Variants in ADCY4 observed in about 807,000 individuals in gnomAD.
The protein encoded by ADCY4 is adenylate cyclase 4, also known as adenylate cyclase type 4.
A neutral mutation model predicts 125.5 loss-of-function variants in ADCY4; 111 were observed. The ratio of observed to expected loss-of-function variants is 0.88; its 90% CI spans 0.76 to 1.04. ADCY4 has a LOEUF of 1.04. Among genes scored for constraint, ADCY4 ranks in the 50% least tolerant of loss-of-function variants. The probability of loss-of-function intolerance (pLI) is 0.00; values close to 1 mark genes in which losing one functional copy is unlikely to be tolerated. For synonymous variants in ADCY4, 576 were observed against 586.9 expected, an observed-to-expected ratio of 0.98 and a Z score of 0.27; for missense variants, 1,256 against 1,382.9, an observed-to-expected ratio of 0.91 and a Z score of 1.46.
chr14:24,332,969 C>T lies in ADCY4; in HGVS notation c.179G>A (p.Ser60Asn). 9 of 1,552,816 alleles carry T rather than the reference C, an allele frequency of 5.8e-6. No homozygotes were observed. The highest frequency in any genetic ancestry group is 5.2e-6 in the Non-Finnish European group (6 of 1,146,344). ...CGCGCACAGCACAGTGGTCAGGAAG[C>T]TCGGGTCTGAGGTCAGCTCCTGTGG... Reference protein sequence around the residue: ...ASGRELTSDPSFLTTVLCALG... With the variant: ...ASGRELTSDPNFLTTVLCALG... Residue 60 changes from serine (S) to asparagine (N), a missense_variant, in exon 2 of 25, where the codon AGC becomes AAC. Transcript: ENST00000418030.
chr14:24,319,622 G>A lies in ADCY4; in HGVS notation c.2733+120C>T, dbSNP rs552946441. The A allele has an allele frequency of 1.5e-4, 207 of 1,352,014 alleles. 1 individual carries two copies. The African/African-American group carries it at 2.5e-3, about 16-fold the overall frequency. 83.8% of individuals were successfully genotyped at this position (1,352,014 alleles called of 1,614,324 possible). On this transcript the variant is annotated intron_variant, in intron 21 of 24. Transcript: ENST00000418030. This position sits in a 1 kb window ranked among gnomAD's most constrained non-coding sequence, Gnocchi z 4.5. ...GTAGATCTGGGGGATCAGAGGAGGT[G>A]AGGGAGTACTGTGGAGGGGAGGATT... is the stretch of plus-strand genomic sequence containing the variant.
chr14:24,331,879 G>A lies in ADCY4; in HGVS notation c.578C>T (p.Ala193Val). The A allele has an allele frequency of 1.9e-6, 3 of 1,600,570 alleles. No individual in the cohort carries two copies. The highest frequency in any genetic ancestry group is 1.7e-6 in the Non-Finnish European group (2 of 1,170,000). Reference sequence around the variant, plus strand: ...GGCCCGCAGGGCGCGCTCCATCAGCGCCTTGTGGTACACTCCTGCCACGTT... The same window carrying A: ...GGCCCGCAGGGCGCGCTCCATCAGCACCTTGTGGTACACTCCTGCCACGTT... ...CGNVAGVYHK[A>V]LMERALRATF... The change falls in exon 4 of 25, where the codon GCG becomes GTG. Residue 193 changes from alanine (A) to valine (V), a missense_variant. Coordinates refer to ENST00000418030, the MANE Select transcript of ADCY4 (RefSeq NM_001198568.2).
intron 12 of ADCY4, 70 bp downstream of exon 12, chr14:24,326,009 G>T: frequency 6.5e-7 from 1 of 1,529,682 alleles, no homozygotes; most frequent in South Asian, 1.2e-5. Flanking sequence ...GCCCCTCAGG[G>T]AGCACCATCC....
intron 6 of ADCY4, 53 bp from the exon 7 acceptor site, chr14:24,330,348 TAGG>T (rs1350797029): frequency 4.4e-6 from 7 of 1,605,468 alleles, no homozygotes; most frequent in Non-Finnish European, 6.0e-6. Flanking sequence ...GTCAGAAGGG[TAGG>T]AGGGAGTTGG....
intron 10 of ADCY4, 140 bp from the exon 11 acceptor site, chr14:24,326,482 C>T: frequency 1.0e-6 from 1 of 975,154 alleles, no homozygotes; most frequent in South Asian, 1.4e-5. Flanking sequence ...CTCTAATGAC[C>T]TCTCTGTCTC....
At chr14:24,322,476 G>A in intron 19 of ADCY4, 148 bp downstream of exon 19, 1 of 928,024 alleles carries the variant, frequency 1.1e-6, no homozygotes. Flanking sequence ...AGAAAGGAGG[G>A]GCAGGGAGTG....
chr14:24,325,355 C>G (rs1406077768), intron 14 of ADCY4, 22 bp downstream of exon 14: 10 of 1,605,312 alleles, frequency 6.2e-6, no homozygotes. Context: ...GCCAGGGCCT[C>G]CTTTGCCTGG....
Position 24,319,282 on chromosome 14 carries a change from C to T in ADCY4, c.2841+47G>A. On this transcript the variant is annotated intron_variant, in intron 22 of 24. Coordinates refer to ENST00000418030, the MANE Select transcript of ADCY4 (RefSeq NM_001198568.2). The surrounding 1 kb of genome is among the most constrained non-coding windows in gnomAD (Gnocchi z 4.5). ...GAATAAGTCCCACTAATAAGCCCAT[C>T]AATGAGAGCCCAGAGGAGGATGGTA... The T allele has an allele frequency of 1.2e-6, 2 of 1,612,794 alleles. No individual in the cohort carries two copies. Among genetic ancestry groups the T allele is most frequent in the Admixed American group, 3.3e-5 (2 of 60,006 alleles).
Position 24,334,592 on chromosome 14 carries a change from A to C in ADCY4, c.61T>G (p.Tyr21Asp). The C allele has an allele frequency of 6.4e-7, 1 of 1,571,130 alleles. No homozygotes were observed. Among genetic ancestry groups the C allele is most frequent in the Non-Finnish European group, 8.6e-7 (1 of 1,160,604 alleles). Residue 21 changes from tyrosine to aspartate, a missense_variant, in exon 1 of 25, where the codon TAC (tyrosine) becomes GAC (aspartate). Coordinates refer to ENST00000418030, the MANE Select transcript of ADCY4 (RefSeq NM_001198568.2). ...AGCGGGTACTGCTGGCTCAGGCTGT[A>C]GTAGGTCTCGTAGAAGAGGTCTTCG... ...PSEDLFYETY[Y>D]SLSQQYPLLL... is the part of the protein sequence containing the mutation.
At chr14:24,330,924 C>T in intron 6 of ADCY4, 94 bp downstream of exon 6, 1 of 1,158,204 alleles carries the variant, frequency 8.6e-7, no homozygotes, top group East Asian at 2.4e-5. Flanking sequence ...TGAAGTGGGC[C>T]TGGGATCTTA....
At position 24,318,448 on chromosome 14, in the gene ADCY4, G is replaced by T. The variant is rs762627889; in HGVS notation, c.3202C>A (p.Arg1068=). The T allele has an allele frequency of 6.2e-7, 1 of 1,614,018 alleles. No individual in the cohort carries two copies. Among genetic ancestry groups the T allele is most frequent in the Non-Finnish European group, 8.5e-7 (1 of 1,179,994 alleles). ...AGGGTAGCTGAAGGAGGTCCAGTTCGTGTCAAGTCTGTGTTCAGGAAGTAG... is the reference window on the plus strand; with the variant it reads ...AGGGTAGCTGAAGGAGGTCCAGTTCTTGTCAAGTCTGTGTTCAGGAAGTAG... ...CTYFLNTDLT[R]TGPPSATLG The change falls in exon 25 of 25, where the codon CGA becomes AGA. Residue 1068 remains arginine (R), a synonymous_variant. Transcript: ENST00000418030.
At chr14:24,327,606 C>G (rs570902083) in intron 10 of ADCY4, among the ~76,000 whole-genome samples, 11 of 152,220 alleles carry the variant, frequency 7.2e-5, no homozygotes, top group Admixed American at 2.6e-4. Context: ...GTCCTTCCCC[C>G]ACTCCCCAGT....
At chr14:24,325,691 A>G in intron 13 of ADCY4, 127 bp downstream of exon 13, 3 of 1,162,496 alleles carry the variant, frequency 2.6e-6, no homozygotes, top group Non-Finnish European at 3.7e-6. Context: ...AGAGAGAGGC[A>G]CAAGCTCCTC....
Position 24,331,851 on chromosome 14 carries a change from C to T in ADCY4, c.606G>A (p.Thr202=). ...GCAGGGAGCTGAGTGCCTCCCGGAA[C>T]GTGGCCCGCAGGGCGCGCTCCATCA... The part of the protein sequence containing the change: ...KALMERALRA[T]FREALSSLHS... The change falls in exon 4 of 25, where the codon ACG becomes ACA. Residue 202 remains threonine, a synonymous_variant. Coordinates refer to ENST00000418030, the MANE Select transcript of ADCY4 (RefSeq NM_001198568.2). 1 of 1,604,012 alleles carries T rather than the reference C, an allele frequency of 6.2e-7. No individual in the cohort carries two copies. The highest frequency in any genetic ancestry group is 8.5e-7 in the Non-Finnish European group (1 of 1,172,612).
rs1210910059 is a variant in ADCY4, at chr14:24,318,741, C to T, written c.2994G>A (p.Gly998=). The T allele has an allele frequency of 4.3e-6, 7 of 1,614,134 alleles. No homozygotes were observed. Among genetic ancestry groups the T allele is most frequent in the South Asian group, 3.3e-5 (3 of 91,082 alleles). ...AAATGTCATATTGCGGCTTCTGGGCCCCAATAACTCCAGCTACTACGGGTC... is the reference window on the plus strand; with the variant it reads ...AAATGTCATATTGCGGCTTCTGGGCTCCAATAACTCCAGCTACTACGGGTC... ...NHGPVVAGVI[G]AQKPQYDIWG... Residue 998 remains glycine (G), a synonymous_variant, in exon 24 of 25, where the codon GGG becomes GGA. Transcript: ENST00000418030.
At chr14:24,329,035 G>A (rs777099302) in intron 10 of ADCY4, 26 bp downstream of exon 10, 4 of 1,607,996 alleles carry the variant, frequency 2.5e-6, no homozygotes, top group Non-Finnish European at 2.5e-6. Context: ...ACTAAGCTCT[G>A]GGGCTCAGGA....
In ADCY4 at chr14:24,324,298, C is replaced by T; in HGVS notation, c.1908+9G>A. 6.2e-7 allele frequency: 1 copy of T among 1,614,132 alleles called. No homozygotes were observed. The highest frequency in any genetic ancestry group is 1.1e-5 in the South Asian group (1 of 91,086). ...CGGCATACCACTTCCACCCCTCAGC[C>T]CACCTCACCATCAGGTCCTCTGAGA... On this transcript the variant is annotated intron_variant, in intron 15 of 24. Coordinates refer to ENST00000418030, the MANE Select transcript of ADCY4 (RefSeq NM_001198568.2).
chr14:24,321,681 C>T (rs1237663876), intron 20 of ADCY4: 2 of 460,280 alleles, frequency 4.3e-6, no homozygotes, highest in Non-Finnish European at 2.9e-6. Flanking sequence ...TGACAAGAGG[C>T]AGAGCTCAGG....
rs1193564966 is a variant in ADCY4 at position 24,329,422 on chromosome 14, G to C, written c.1329C>G (p.Thr443=). 1.3e-6 allele frequency: 2 copies of C among 1,566,072 alleles called. No homozygotes were observed. The highest frequency in any genetic ancestry group is 1.7e-6 in the Non-Finnish European group (2 of 1,159,790). Residue 443 remains threonine (T), a synonymous_variant, in exon 9 of 25, where the codon ACC becomes ACG. Coordinates refer to ENST00000418030, the MANE Select transcript of ADCY4 (RefSeq NM_001198568.2). ...TTACCCGTGGATCGATGACCAGATA[G>C]GTAGGCTCCCCTAGCTCCCGAAGGT... ...DPYLRELGEP[T]YLVIDPRAEE...
Sources: allele counts gnomAD v4.1 joint callset (sites outside exome capture counted in the v4.1 genomes callset), GRCh38; gene constraint gnomAD v4.1.1; non-coding constraint Gnocchi (gnomAD v3.1); transcripts MANE v1.5; gene names NCBI Gene and HGNC (gene_info 2026-07-23, HGNC 2026-07-21).